Variants in COL23A1 observed in about 807,000 individuals in gnomAD.
COL23A1 encodes collagen alpha-1(XXIII) chain.
In COL23A1, 97 loss-of-function variants were observed where a neutral mutation model predicts 99.3. That is an observed-to-expected ratio of 0.98 (90% CI 0.83 to 1.16). The LOEUF is 1.16. COL23A1 is among the 50% of genes most tolerant of loss of function. The probability of loss-of-function intolerance (pLI) is 0.00; values close to 1 mark genes in which losing one functional copy is unlikely to be tolerated. For missense variants in COL23A1, 762 were observed against 757.4 expected, an observed-to-expected ratio of 1.01 and a Z score of -0.07; for synonymous variants, 320 against 308.2, an observed-to-expected ratio of 1.04 and a Z score of -0.40.
intron 1 of COL23A1, chr5:178,562,191 G>A (rs982845938): frequency 1.4e-5 from 6 of 443,154 alleles, no homozygotes; most frequent in Admixed American, 4.9e-5. Context: ...GCAGTGAGCC[G>A]AGATCGCGAC....
intron 2 of COL23A1, among the ~76,000 whole-genome samples, chr5:178,532,384 C>T (rs373991496): frequency 2.6e-5 from 4 of 152,242 alleles, no homozygotes; most frequent in Admixed American, 6.5e-5. Flanking sequence ...GAACTGTCCT[C>T]GGACCAAATG....
At chr5:178,379,932 T>C (rs7726903) in intron 2 of COL23A1, among the ~76,000 whole-genome samples, 14,072 of 151,056 alleles carry the variant, frequency 0.093, 1,255 homozygotes, top group African/African-American at 0.24. Flanking sequence ...GAAAAATAAC[T>C]ACCCATTTAG....
chr5:178,535,976 A>G (rs903979347), intron 2 of COL23A1, among the ~76,000 whole-genome samples: 4 of 152,234 alleles, frequency 2.6e-5, no homozygotes, highest in African/African-American at 9.6e-5. Flanking sequence ...GAGGGTCATG[A>G]CCCATCAGGG....
chr5:178,455,499 G>T (rs936101959), intron 2 of COL23A1, among the ~76,000 whole-genome samples: 1 of 152,190 alleles, frequency 6.6e-6, no homozygotes, highest in Non-Finnish European at 1.5e-5. Context: ...CTGGCCACCT[G>T]CATGAATAAG....
chr5:178,507,170 A>G (rs1758919894), intron 2 of COL23A1, among the ~76,000 whole-genome samples: 1 of 152,112 alleles, frequency 6.6e-6, no homozygotes, highest in Admixed American at 6.6e-5. Flanking sequence ...CATATTCTCT[A>G]CACAGTTCTG....
chr5:178,325,642 A>T (rs544027299), intron 2 of COL23A1, among the ~76,000 whole-genome samples: 3 of 152,282 alleles, frequency 2.0e-5, no homozygotes, highest in South Asian at 4.1e-4. Flanking sequence ...CCGTCTGCCC[A>T]TCAGTCCCAT....
rs112105842 is a variant in COL23A1 at position 178,374,224 on chromosome 5, A to AAT, written c.362-67307_362-67306dup. On this transcript the variant is annotated intron_variant, in intron 2 of 28. Transcript: ENST00000390654. ...CTGATGCTCCGTGATAACCTGAGCC[A>AAT]ATCTTTGCTCCTCCCAGCCTCTGCA... is the stretch of plus-strand genomic sequence containing the variant. 7.9e-5 allele frequency among the ~76,000 whole-genome samples: 12 copies of AAT among 152,202 alleles called. 1 individual carries two copies. The highest frequency in any genetic ancestry group is 2.6e-4 in the African/African-American group (11 of 41,524).
rs564604533 is a variant in COL23A1 at position 178,532,437 on chromosome 5, A to T, written c.361+28245T>A. 8.6e-5 allele frequency among the ~76,000 whole-genome samples: 13 copies of T among 152,036 alleles called. 2 individuals carry two copies. The highest frequency in any genetic ancestry group is 7.9e-4 in the Admixed American group (12 of 15,282). On this transcript the variant is annotated intron_variant, in intron 2 of 28. Coordinates refer to ENST00000390654, the MANE Select transcript of COL23A1 (RefSeq NM_173465.4). Reference sequence around the variant, plus strand: ...CAAGGGCCCCCAAGGTGCCCCAAGAAACAACAGTCCAGAGACACAGACTCA... The same window carrying T: ...CAAGGGCCCCCAAGGTGCCCCAAGATACAACAGTCCAGAGACACAGACTCA...
chr5:178,453,550 GA>G (rs1767606387), intron 2 of COL23A1, among the ~76,000 whole-genome samples: 1 of 152,088 alleles, frequency 6.6e-6, no homozygotes, highest in Admixed American at 6.6e-5. Flanking sequence ...GCTGACCAAG[GA>G]ATCTACCCCT....
intron 5 of COL23A1, among the ~76,000 whole-genome samples, 187 bp downstream of exon 5, chr5:178,288,137 G>A (rs1227624079): frequency 6.6e-6 from 1 of 152,092 alleles, no homozygotes; most frequent in Non-Finnish European, 1.5e-5. Flanking sequence ...TTGCCTCCAG[G>A]GCAGCCCTGG....
intron 12 of COL23A1, among the ~76,000 whole-genome samples, chr5:178,258,400 T>G (rs1765445764): frequency 7.4e-6 from 1 of 135,336 alleles, no homozygotes; most frequent in African/African-American, 2.6e-5. Flanking sequence ...AGAGGTTTTT[T>G]TTTTTTTTTT....
intron 2 of COL23A1, among the ~76,000 whole-genome samples, chr5:178,483,424 C>T (rs993550552): frequency 6.6e-6 from 1 of 152,176 alleles, no homozygotes; most frequent in Admixed American, 6.5e-5. Context: ...GGAATCCACT[C>T]GCCCTCAAGA....
intron 2 of COL23A1, among the ~76,000 whole-genome samples, chr5:178,554,840 A>C (rs1243566328): frequency 2.0e-5 from 3 of 152,202 alleles, no homozygotes; most frequent in Non-Finnish European, 4.4e-5. Context: ...GACGTAAAAA[A>C]AAAAATCATG....
chr5:178,546,414 T>C (rs563785932), intron 2 of COL23A1, among the ~76,000 whole-genome samples: 1 of 152,290 alleles, frequency 6.6e-6, no homozygotes, highest in East Asian at 1.9e-4. Context: ...CACAGGATGC[T>C]AACTTGTTCA....
intron 2 of COL23A1, among the ~76,000 whole-genome samples, chr5:178,542,797 C>T (rs1210575245): frequency 1.3e-5 from 2 of 152,240 alleles, no homozygotes; most frequent in Middle Eastern, 3.4e-3. Context: ...TAAGAACGGC[C>T]GGGCCTCTGG....
intron 2 of COL23A1, among the ~76,000 whole-genome samples, chr5:178,493,311 G>A (rs79190299): frequency 0.016 from 2,432 of 152,296 alleles, 141 homozygotes; most frequent in East Asian, 0.16. Context: ...CCTGCTCCAC[G>A]AGGCACGGAG....
At chr5:178,557,892 A>G (rs1167609877) in intron 2 of COL23A1, among the ~76,000 whole-genome samples, 2 of 152,076 alleles carry the variant, frequency 1.3e-5, no homozygotes, top group African/African-American at 4.8e-5. Context: ...TCGAGGTGAC[A>G]GGAGAGAAAG....
intron 2 of COL23A1, among the ~76,000 whole-genome samples, chr5:178,423,413 T>C (rs865997499): frequency 6.6e-6 from 1 of 152,200 alleles, no homozygotes; most frequent in Non-Finnish European, 1.5e-5. Flanking sequence ...CAGTGATCTA[T>C]GGTGTACGGT....
chr5:178,303,095 G>A (rs1161255445), intron 3 of COL23A1, among the ~76,000 whole-genome samples: 2 of 152,168 alleles, frequency 1.3e-5, no homozygotes, highest in Non-Finnish European at 2.9e-5. Context: ...CTGCCTCCTG[G>A]GTTCAAGCGA....
Sources: gnomAD v4.1 joint callset for allele counts (sites outside exome capture counted in the v4.1 genomes callset) on GRCh38, gnomAD v4.1.1 for gene constraint, MANE v1.5 for transcripts, NCBI Gene and HGNC (gene_info 2026-07-23, HGNC 2026-07-21) for gene names.